The following WWC2 variants were observed in gnomAD, a reference collection of about 807,000 sequenced individuals.
The protein encoded by WWC2 is protein WWC2.
Under a neutral mutation model 138.5 loss-of-function variants are expected in WWC2, and 101 were observed. That is an observed-to-expected ratio of 0.73 (90% CI 0.62 to 0.86). The LOEUF (loss-of-function observed/expected upper bound fraction) is 0.86, where lower values mean the gene tolerates loss of function less well. Ranked by LOEUF, WWC2 falls within the 40% of genes least tolerant of loss-of-function variation. The probability of loss-of-function intolerance (pLI) is 0.00; values close to 1 mark genes in which losing one functional copy is unlikely to be tolerated. For missense variants in WWC2, 1,420 were observed against 1,419.4 expected (o/e 1.00, Z -0.01); for synonymous variants, 558 against 538.4 (o/e 1.04, Z -0.50).
chr4:183,159,183 G>A (rs1417819191), intron 1 of WWC2, among the ~76,000 whole-genome samples: 1 of 152,166 alleles, frequency 6.6e-6, no homozygotes, highest in South Asian at 2.1e-4. Flanking sequence ...AGATATTACA[G>A]CAGAACTGAT....
intron 4 of WWC2, among the ~76,000 whole-genome samples, chr4:183,220,838 AG>A (rs1321043586): frequency 1.3e-4 from 19 of 151,874 alleles, no homozygotes; most frequent in Non-Finnish European, 2.1e-4. Flanking sequence ...CGTCTCAAAA[AG>A]AAAAAAAAAA....
intron 1 of WWC2, among the ~76,000 whole-genome samples, chr4:183,125,699 G>A (rs1732737186): frequency 6.6e-6 from 1 of 152,146 alleles, no homozygotes; most frequent in South Asian, 2.1e-4. Context: ...TAATATCGAA[G>A]TAGAAAACTC....
intron 1 of WWC2, among the ~76,000 whole-genome samples, chr4:183,150,527 AAAG>A (rs1192831123): frequency 1.3e-5 from 2 of 152,288 alleles, no homozygotes; most frequent in Non-Finnish European, 2.9e-5. Context: ...TTTTTTAAAA[AAAG>A]ATTTTAAAAA....
At chr4:183,283,715 T>C (rs930369416) in intron 18 of WWC2, among the ~76,000 whole-genome samples, 3 of 152,256 alleles carry the variant, frequency 2.0e-5, no homozygotes, top group Non-Finnish European at 4.4e-5. Flanking sequence ...CAACTCAGCT[T>C]CACAACAGTT....
At chr4:183,215,088 A>G (rs1735718746) in intron 4 of WWC2, among the ~76,000 whole-genome samples, 1 of 152,252 alleles carries the variant, frequency 6.6e-6, no homozygotes, top group South Asian at 2.1e-4. Flanking sequence ...AGCCCCAGAT[A>G]GTACTGAACC....
chr4:183,312,403 C>T lies in WWC2; in HGVS notation c.3447C>T (p.Val1149=), dbSNP rs1739284245. ...GLNAEKLMRQ[V]SKDVCRLREQ... ...ATGCAGAGAAGTTGATGAGGCAAGT[C>T]TCCAAGGACGTGTGTCGGCTCCGGG... Residue 1149 remains valine, a synonymous_variant, in exon 22 of 23, where the codon GTC becomes GTT. Transcript: ENST00000403733. The T allele has an allele frequency of 6.2e-6, 10 of 1,613,718 alleles. No individual in the cohort carries two copies. The highest frequency in any genetic ancestry group is 8.5e-6 in the Non-Finnish European group (10 of 1,179,836).
At position 183,197,986 on chromosome 4, in the gene WWC2, A is replaced by G. The variant is rs142527562; in HGVS notation, c.241+4278A>G. Reference sequence around the variant, plus strand: ...TTTTGTCTGTTCTGGAACTTCATGTAAAAGGATTGTGTTCAGTTTTGGGAA... The same window carrying G: ...TTTTGTCTGTTCTGGAACTTCATGTGAAAGGATTGTGTTCAGTTTTGGGAA... On this transcript the variant is annotated intron_variant, in intron 2 of 22. Coordinates refer to ENST00000403733, the MANE Select transcript of WWC2 (RefSeq NM_024949.6). Among the ~76,000 whole-genome samples the G allele has an allele frequency of 3.8e-3, 584 of 152,244 alleles. 6 individuals carry two copies. Among genetic ancestry groups the G allele is most frequent in the African/African-American group, 0.014 (567 of 41,544 alleles).
intron 21 of WWC2, among the ~76,000 whole-genome samples, chr4:183,290,223 T>C (rs1427984635): frequency 1.3e-5 from 2 of 152,088 alleles, no homozygotes; most frequent in East Asian, 1.9e-4. Context: ...GATTAAAAAA[T>C]AGAGTATTTT....
Position 183,252,384 on chromosome 4 carries a change from T to C in WWC2, c.954-1373T>C, listed in dbSNP as rs1410716952. Among the ~76,000 whole-genome samples the C allele has an allele frequency of 2.6e-5, 4 of 152,218 alleles. No individual in the cohort carries two copies. The East Asian group carries it at 7.7e-4, about 29-fold the overall frequency. On this transcript the variant is annotated intron_variant, in intron 8 of 22. Transcript: ENST00000403733. ...TCGAAAGAACCATGTGCCGCTTACC[T>C]TATGAACAGTCCTCATTGTCTTTAC...
At chr4:183,186,162 T>C (rs968308294) in intron 1 of WWC2, among the ~76,000 whole-genome samples, 8 of 152,116 alleles carry the variant, frequency 5.3e-5, no homozygotes, top group Non-Finnish European at 1.2e-4. Context: ...CACAGGATGG[T>C]CTCGATCTCC....
At position 183,319,977 on chromosome 4, in the gene WWC2, C is replaced by T. The variant is rs781079170; in HGVS notation, c.*4248C>T. On this transcript the variant is annotated 3_prime_UTR_variant, in exon 23 of 23. Coordinates refer to ENST00000403733, the MANE Select transcript of WWC2 (RefSeq NM_024949.6). The stretch of plus-strand genomic sequence containing the variant: ...CCCATTTGACAGAAACATTAAGATC[C>T]TGGAGACCCTGAGTTCAGCAGGCAA... 10 of 1,613,580 alleles carry T rather than the reference C, an allele frequency of 6.2e-6. No individual in the cohort carries two copies. The Admixed American group carries it at 1.5e-4, about 24-fold the overall frequency.
intron 1 of WWC2, among the ~76,000 whole-genome samples, chr4:183,144,413 TAA>T (rs1004573409): frequency 6.6e-6 from 1 of 151,878 alleles, no homozygotes; most frequent in African/African-American, 2.4e-5. Flanking sequence ...TTTTTTTATT[TAA>T]AAAAAACTTT....
chr4:183,104,346 G>A (rs879593707), intron 1 of WWC2, among the ~76,000 whole-genome samples: 3 of 152,166 alleles, frequency 2.0e-5, no homozygotes, highest in South Asian at 2.1e-4. Flanking sequence ...TATTAATTGA[G>A]CTACTCTCTT....
chr4:183,271,547 A>G (rs1275241162), intron 16 of WWC2, among the ~76,000 whole-genome samples: 1 of 152,232 alleles, frequency 6.6e-6, no homozygotes, highest in Non-Finnish European at 1.5e-5. Context: ...AAACCTTTTA[A>G]TTTAAATATA....
chr4:183,255,599 T>G (rs1378480188), intron 9 of WWC2, among the ~76,000 whole-genome samples: 2 of 152,196 alleles, frequency 1.3e-5, no homozygotes, highest in African/African-American at 4.8e-5. Context: ...GCTGTTCTAC[T>G]TTGTAGTAGG....
chr4:183,255,877 C>CTTTT (rs551883972), intron 9 of WWC2, among the ~76,000 whole-genome samples: 4 of 140,754 alleles, frequency 2.8e-5, no homozygotes, highest in Admixed American at 7.1e-5. Context: ...GCTTTTTTTC[C>CTTTT]TTTTTTTTTT....
intron 14 of WWC2, among the ~76,000 whole-genome samples, chr4:183,268,013 A>G (rs1410643046): frequency 1.3e-5 from 2 of 152,198 alleles, no homozygotes; most frequent in African/African-American, 4.8e-5. Context: ...GCTGTGTCTT[A>G]GTAAGGCTCT....
chr4:183,252,408 A>C (rs1737005717), intron 8 of WWC2, among the ~76,000 whole-genome samples: 1 of 152,208 alleles, frequency 6.6e-6, no homozygotes, highest in African/African-American at 2.4e-5. Flanking sequence ...CATTGTCTTT[A>C]CAGTGCCACG....
chr4:183,127,563 A>C (rs62336595), intron 1 of WWC2, among the ~76,000 whole-genome samples: 1 of 152,080 alleles, frequency 6.6e-6, no homozygotes, highest in Admixed American at 6.5e-5. Flanking sequence ...CTAGAGACCT[A>C]ATATACAACA....
Sources: gnomAD v4.1 joint callset for allele counts (sites outside exome capture counted in the v4.1 genomes callset) on GRCh38, gnomAD v4.1.1 for gene constraint, MANE v1.5 for transcripts, NCBI Gene and HGNC (gene_info 2026-07-23, HGNC 2026-07-21) for gene names.